Variants in IQSEC3 observed in about 807,000 individuals in gnomAD.
IQSEC3 encodes IQ motif and SEC7 domain-containing protein 3.
IQSEC3 carries 50 observed loss-of-function variants against 105.4 expected under a neutral mutation model. The ratio of observed to expected loss-of-function variants is 0.47; its 90% CI spans 0.38 to 0.60. The LOEUF (loss-of-function observed/expected upper bound fraction) is 0.60, where lower values mean the gene tolerates loss of function less well. Among genes scored for constraint, IQSEC3 ranks in the 20% least tolerant of loss-of-function variants. The pLI, the probability that IQSEC3 is intolerant of heterozygous loss-of-function variation, is 0.00. For missense variants in IQSEC3, 1,415 were observed against 1,630.0 expected, an observed-to-expected ratio of 0.87 and a Z score of 2.27; for synonymous variants, 708 against 746.0, an observed-to-expected ratio of 0.95 and a Z score of 0.83.
rs782226214 is a variant in IQSEC3, at chr12:157,005, C to T, written c.2154-20C>T. 3.2e-6 allele frequency: 5 copies of T among 1,570,806 alleles called. No individual in the cohort carries two copies. In the South Asian group the frequency reaches 6.0e-5, roughly 19 times the overall value. The stretch of plus-strand genomic sequence containing the variant: ...GCTTAGGGTGCCACCTGACCTCACA[C>T]CCTCCCTGCCTGCCCTCAGCTGCGT... On this transcript the variant is annotated intron_variant, in intron 5 of 13. Transcript: ENST00000538872.
intron 1 of IQSEC3, among the ~76,000 whole-genome samples, chr12:81,530 T>C (rs1273415664): frequency 4.6e-5 from 7 of 152,174 alleles, no homozygotes; most frequent in Non-Finnish European, 7.3e-5. Flanking sequence ...CAGTGTGGGA[T>C]GTGAGACAAA....
intron 2 of IQSEC3, among the ~76,000 whole-genome samples, chr12:101,707 G>A (rs1341141685): frequency 2.6e-5 from 4 of 152,134 alleles, no homozygotes; most frequent in Non-Finnish European, 5.9e-5. Flanking sequence ...GTTTTTGTCT[G>A]TCTGTCTGTC....
chr12:159,614 T>A (rs1437060096), intron 7 of IQSEC3, among the ~76,000 whole-genome samples: 1 of 152,194 alleles, frequency 6.6e-6, no homozygotes, highest in Non-Finnish European at 1.5e-5. Context: ...GCTGCTGGCC[T>A]TTTGTCTGTT....
At chr12:102,630 C>T (rs782128374) in intron 2 of IQSEC3, among the ~76,000 whole-genome samples, 12 of 152,196 alleles carry the variant, frequency 7.9e-5, no homozygotes, top group Non-Finnish European at 1.3e-4. Context: ...AAGCCTCAGC[C>T]CTACCGAGGC....
intron 2 of IQSEC3, among the ~76,000 whole-genome samples, chr12:122,293 C>T (rs782811615): frequency 2.4e-4 from 37 of 152,252 alleles, no homozygotes; most frequent in Admixed American, 2.0e-4. Context: ...CAGGAAGGGT[C>T]CCTAGAGAAG....
At chr12:118,297 C>G (rs1200361056) in intron 2 of IQSEC3, among the ~76,000 whole-genome samples, 2 of 152,160 alleles carry the variant, frequency 1.3e-5, no homozygotes, top group African/African-American at 4.8e-5. Context: ...CCACCCCCCT[C>G]ATGCCATCTG....
intron 4 of IQSEC3, chr12:140,867 A>G (rs1283051519): frequency 1.1e-5 from 5 of 448,744 alleles, no homozygotes; most frequent in Non-Finnish European, 2.0e-5. Flanking sequence ...CCCAGGAGGC[A>G]GGGACAGAGA....
chr12:118,592 C>A (rs1483385169), intron 2 of IQSEC3, among the ~76,000 whole-genome samples: 1 of 152,142 alleles, frequency 6.6e-6, no homozygotes, highest in Non-Finnish European at 1.5e-5. Flanking sequence ...CTTCAAAATG[C>A]TCCTGGTAGA....
intron 2 of IQSEC3, among the ~76,000 whole-genome samples, chr12:107,788 G>T (rs191971533): frequency 2.1e-4 from 32 of 152,214 alleles, no homozygotes; most frequent in Admixed American, 4.6e-4. Context: ...TAACAAGGGT[G>T]TAGATCCCTA....
At position 138,699 on chromosome 12, in the gene IQSEC3, C is replaced by T. The variant is rs782024385; in HGVS notation, c.1336C>T (p.Pro446Ser). ...CCAGGCCCTGCAGGCGGCCGCGGGG[C>T]CCCCAGGCCTGGAGGCCGAGGGGCG... The part of the protein sequence containing the change: ...LHQALQAAAG[P>S]PGLEAEGRAP... The change falls in exon 4 of 14, where the codon CCC (proline) becomes TCC (serine). Residue 446 changes from proline to serine, a missense_variant. Pro to Ser is a moderately conservative substitution (Grantham distance 74). Around this residue, in one of 6 missense-constraint regions of IQSEC3, gnomAD observed 720 missense variants for 633.0 expected, o/e 1.14. Transcript: ENST00000538872. This position sits in a 1 kb window ranked among gnomAD's most constrained non-coding sequence, Gnocchi z 7.1. 4.6e-6 allele frequency: 7 copies of T among 1,525,472 alleles called. No individual in the cohort carries two copies. Among genetic ancestry groups the T allele is most frequent in the Non-Finnish European group, 6.1e-6 (7 of 1,140,830 alleles). 94.5% of individuals were successfully genotyped at this position (1,525,472 alleles called of 1,614,324 possible).
intron 12 of IQSEC3, 56 bp downstream of exon 12, chr12:169,161 T>G (rs1938836129): frequency 7.0e-6 from 10 of 1,433,082 alleles, no homozygotes; most frequent in Middle Eastern, 1.9e-4. Flanking sequence ...TCGGGGACCC[T>G]GGGTGTGGGT....
intron 1 of IQSEC3, among the ~76,000 whole-genome samples, chr12:76,629 TACC>T (rs1455990195): frequency 2.6e-5 from 4 of 152,262 alleles, no homozygotes; most frequent in African/African-American, 9.6e-5. Context: ...GGGGCAAATC[TACC>T]ACGCCTCCAT....
intron 5 of IQSEC3, among the ~76,000 whole-genome samples, chr12:154,979 ACCT>A (rs1435057016): frequency 1.3e-5 from 2 of 151,476 alleles, no homozygotes; most frequent in Admixed American, 6.6e-5. Flanking sequence ...ATGCTGGTTC[ACCT>A]CCTCCAGGCT....
chr12:81,239 C>T (rs1379064951), intron 1 of IQSEC3, among the ~76,000 whole-genome samples: 3 of 151,982 alleles, frequency 2.0e-5, no homozygotes, highest in African/African-American at 4.8e-5. Context: ...GCCAGAAATG[C>T]CCCTGTTTCT....
intron 6 of IQSEC3, 61 bp downstream of exon 6, chr12:157,208 G>T: frequency 1.4e-6 from 2 of 1,464,708 alleles, no homozygotes; most frequent in Non-Finnish European, 1.8e-6. Context: ...CCGGGCCGCT[G>T]TGAGCCTGGG....
chr12:148,213 G>A (rs1482980630), intron 5 of IQSEC3: 1 of 152,066 alleles, frequency 6.6e-6, no homozygotes, highest in African/African-American at 2.4e-5. Context: ...CCAAAAGGTG[G>A]TCCCTGGACC....
chr12:103,025 G>A (rs1864480178), intron 2 of IQSEC3, among the ~76,000 whole-genome samples: 1 of 152,128 alleles, frequency 6.6e-6, no homozygotes, highest in African/African-American at 2.4e-5. Context: ...CCAGGAAGCA[G>A]CAACTGCGTG....
chr12:165,589 C>T, intron 10 of IQSEC3, 56 bp downstream of exon 10: 5 of 1,547,228 alleles, frequency 3.2e-6, no homozygotes, highest in Non-Finnish European at 4.5e-6. Flanking sequence ...GATGAAATGG[C>T]TGGGGCGAGT....
intron 12 of IQSEC3, 54 bp downstream of exon 12, chr12:169,159 C>T: frequency 1.4e-6 from 2 of 1,479,672 alleles, no homozygotes; most frequent in Middle Eastern, 1.9e-4. Flanking sequence ...ACTCGGGGAC[C>T]CTGGGTGTGG....
Sources: gnomAD v4.1 joint callset for allele counts (sites outside exome capture counted in the v4.1 genomes callset) on GRCh38, gnomAD v4.1.1 for gene constraint, gnomAD v4.1.1 regional missense constraint, Gnocchi (gnomAD v3.1) non-coding constraint, MANE v1.5 for transcripts, NCBI Gene and HGNC (gene_info 2026-07-23, HGNC 2026-07-21) for gene names.